The following HECW1 variants were observed in gnomAD, a reference collection of about 807,000 sequenced individuals.
The protein encoded by HECW1 is HECT, C2 and WW domain containing E3 ubiquitin protein ligase 1, also known as E3 ubiquitin-protein ligase HECW1.
HECW1 carries 61 observed loss-of-function variants against 182.3 expected under a neutral mutation model. The ratio of observed to expected loss-of-function variants is 0.33; its 90% CI spans 0.27 to 0.41. The LOEUF (loss-of-function observed/expected upper bound fraction) is 0.41, where lower values mean the gene tolerates loss of function less well. Among genes scored for constraint, HECW1 ranks in the 10% least tolerant of loss-of-function variants. The pLI, the probability that HECW1 is intolerant of heterozygous loss-of-function variation, is 1.00. For synonymous variants in HECW1, 859 were observed against 832.6 expected (o/e 1.03, Z -0.55); for missense variants, 1,739 against 2,108.9 (o/e 0.82, Z 3.44).
chr7:43,336,124 T>TTCTTTCTCTCTCTCTC (rs1313057919), intron 5 of HECW1, among the ~76,000 whole-genome samples: 11 of 64,238 alleles, frequency 1.7e-4, no homozygotes, highest in Admixed American at 6.3e-4. Flanking sequence ...CTTTCTTTCT[T>TTCTTTCTCTCTCTCTC]TCTCTCTCTC....
rs187793836 is a variant in HECW1, at chr7:43,364,045, T to C, written c.555+3065T>C. Among the ~76,000 whole-genome samples the C allele has an allele frequency of 2.4e-3, 367 of 152,338 alleles. 1 individual carries two copies. Among genetic ancestry groups the C allele is most frequent in the African/African-American group, 8.5e-3 (352 of 41,576 alleles). ...TAAACTTGGAGTGTCAACTTCTAGG[T>C]TGAGGATTGCTGCTGCTGCATTCAT... is the stretch of plus-strand genomic sequence containing the variant. On this transcript the variant is annotated intron_variant, in intron 6 of 29. Transcript: ENST00000395891.
At chr7:43,459,787 C>G (rs2077521809) in intron 13 of HECW1, among the ~76,000 whole-genome samples, 1 of 152,236 alleles carries the variant, frequency 6.6e-6, no homozygotes, top group South Asian at 2.1e-4. Flanking sequence ...ATCCCCCCGT[C>G]TTGGCCTCCC....
chr7:43,174,616 A>G (rs1469731921), intron 2 of HECW1, among the ~76,000 whole-genome samples: 4 of 152,296 alleles, frequency 2.6e-5, no homozygotes, highest in Admixed American at 2.0e-4. Flanking sequence ...TCAAAGCTTC[A>G]CTATTTCTCT....
chr7:43,550,354 T>C, intron 26 of HECW1, 91 bp from the exon 27 acceptor site: 1 of 1,401,722 alleles, frequency 7.1e-7, no homozygotes, highest in Non-Finnish European at 1.0e-6. Flanking sequence ...TAGAGGATTT[T>C]TGGCATACGG....
At position 43,432,183 on chromosome 7, in the gene HECW1, G is replaced by C. The variant is rs10274010; in HGVS notation, c.802-5820G>C. On this transcript the variant is annotated intron_variant, in intron 8 of 29. Transcript: ENST00000395891. This position sits in a 1 kb window ranked among gnomAD's most constrained non-coding sequence, Gnocchi z 4.1. ...GAGACGGAGTCTCGCTCTGTCGCCC[G>C]GGCTGGAGTGCAGTGGCGGGATCTC... is the stretch of plus-strand genomic sequence containing the variant. 6.8e-6 allele frequency among the ~76,000 whole-genome samples: 1 copy of C among 147,236 alleles called. No homozygotes were observed. The highest frequency in any genetic ancestry group is 1.5e-5 in the Non-Finnish European group (1 of 67,154).
Position 43,243,338 on chromosome 7 carries a change from C to T in HECW1, c.-31-537C>T, listed in dbSNP as rs373720552. Reference sequence around the variant, plus strand: ...GCCAAGTTTATTGTGGTGACAGTCACTCCGCAGGACAACAAGTGGAAGGGG... The same window carrying T: ...GCCAAGTTTATTGTGGTGACAGTCATTCCGCAGGACAACAAGTGGAAGGGG... On this transcript the variant is annotated intron_variant, in intron 2 of 29. Transcript: ENST00000395891. The surrounding 1 kb of genome is among the most constrained non-coding windows in gnomAD (Gnocchi z 4.0). Among the ~76,000 whole-genome samples, 7 of 152,108 alleles carry T rather than the reference C, an allele frequency of 4.6e-5. No individual in the cohort carries two copies. In the South Asian group the frequency reaches 1.5e-3, roughly 32 times the overall value.
chr7:43,553,111 C>T (rs1190750530), intron 28 of HECW1, among the ~76,000 whole-genome samples: 3 of 152,196 alleles, frequency 2.0e-5, no homozygotes, highest in African/African-American at 7.2e-5. Context: ...ATGTCTAACC[C>T]TTCCTAAATA....
intron 2 of HECW1, among the ~76,000 whole-genome samples, chr7:43,159,341 A>AC (rs1790254311): frequency 7.1e-6 from 1 of 140,882 alleles, no homozygotes; most frequent in Non-Finnish European, 1.5e-5. Flanking sequence ...CCAGCCCCCA[A>AC]CCCCCCGACA....
intron 9 of HECW1, among the ~76,000 whole-genome samples, chr7:43,441,751 T>C (rs2076895811): frequency 6.6e-6 from 1 of 152,258 alleles, no homozygotes; most frequent in South Asian, 2.1e-4. Flanking sequence ...TTATGGACAC[T>C]GAAATTTGAA....
At chr7:43,188,100 A>G (rs1351800842) in intron 2 of HECW1, among the ~76,000 whole-genome samples, 1 of 152,226 alleles carries the variant, frequency 6.6e-6, no homozygotes, top group Non-Finnish European at 1.5e-5. Flanking sequence ...CTCTGGGCAC[A>G]GGGCAGAATG....
At chr7:43,386,822 G>A (rs946382549) in intron 6 of HECW1, among the ~76,000 whole-genome samples, 3 of 152,114 alleles carry the variant, frequency 2.0e-5, no homozygotes, top group African/African-American at 2.4e-5. Flanking sequence ...GAAGCTCACC[G>A]CACTGTGCTT....
intron 24 of HECW1, chr7:43,511,695 TA>T (rs1447117792): frequency 6.2e-6 from 1 of 160,044 alleles, no homozygotes; most frequent in African/African-American, 2.4e-5. Context: ...ATGCTGCAGT[TA>T]TTCCTTTTGT....
Position 43,506,204 on chromosome 7 carries a change from G to A in HECW1, c.3632-933G>A, listed in dbSNP as rs137991443. 1.4e-4 allele frequency among the ~76,000 whole-genome samples: 21 copies of A among 152,196 alleles called. No homozygotes were observed. In the East Asian group the frequency reaches 4.1e-3, roughly 29 times the overall value. On this transcript the variant is annotated intron_variant, in intron 21 of 29. Transcript: ENST00000395891. Reference sequence around the variant, plus strand: ...TAAATGCTCTGAGCCTTTGTGTACAGGTATGTTTATTTGAGCATCAATATC... The same window carrying A: ...TAAATGCTCTGAGCCTTTGTGTACAAGTATGTTTATTTGAGCATCAATATC...
intron 19 of HECW1, among the ~76,000 whole-genome samples, chr7:43,497,027 C>T (rs1381030349): frequency 1.3e-5 from 2 of 152,116 alleles, no homozygotes; most frequent in East Asian, 1.9e-4. Context: ...TTTTTTAAGC[C>T]ATATACAGCT....
chr7:43,546,277 T>C (rs1239133803), intron 26 of HECW1, among the ~76,000 whole-genome samples: 6 of 150,330 alleles, frequency 4.0e-5, no homozygotes, highest in African/African-American at 7.3e-5. Flanking sequence ...ATTTCCTTGA[T>C]TGGCTCTGTC....
chr7:43,437,372 A>C (rs1562973286), intron 8 of HECW1, among the ~76,000 whole-genome samples: 1 of 152,182 alleles, frequency 6.6e-6, no homozygotes, highest in African/African-American at 2.4e-5. Flanking sequence ...ATTGTTAGTA[A>C]TGCTCCAATA....
At chr7:43,317,689 A>G (rs1809502721) in intron 4 of HECW1, among the ~76,000 whole-genome samples, 1 of 152,170 alleles carries the variant, frequency 6.6e-6, no homozygotes, top group African/African-American at 2.4e-5. Flanking sequence ...CTTGTGTGAT[A>G]CTTGTGATTA....
chr7:43,280,273 T>C (rs937796656), intron 3 of HECW1, among the ~76,000 whole-genome samples: 1 of 152,072 alleles, frequency 6.6e-6, no homozygotes, highest in African/African-American at 2.4e-5. Flanking sequence ...CGTGCAGGAG[T>C]GCAGGGTCAC....
intron 6 of HECW1, among the ~76,000 whole-genome samples, chr7:43,364,181 G>A (rs2152814977): frequency 6.6e-6 from 1 of 152,304 alleles, no homozygotes; most frequent in Non-Finnish European, 1.5e-5. Context: ...GGAACAAGCT[G>A]TCACATGCTC....
Sources: gnomAD v4.1 joint callset for allele counts (sites outside exome capture counted in the v4.1 genomes callset) on GRCh38, gnomAD v4.1.1 for gene constraint, Gnocchi (gnomAD v3.1) non-coding constraint, MANE v1.5 for transcripts, NCBI Gene and HGNC (gene_info 2026-07-23, HGNC 2026-07-21) for gene names.